The following ASIP variants were observed in gnomAD, a reference collection of about 807,000 sequenced individuals.
ASIP encodes the protein agouti-signaling protein.
Under a neutral mutation model 10.3 loss-of-function variants are expected in ASIP, and 11 were observed. That is an observed-to-expected ratio of 1.07 (90% CI 0.68 to 1.78). The LOEUF is 1.78. Ranked by LOEUF, ASIP falls within the 40% of genes most tolerant of loss-of-function variation. The probability of loss-of-function intolerance (pLI) is 0.00; values close to 1 mark genes in which losing one functional copy is unlikely to be tolerated. For missense variants in ASIP, 180 were observed against 169.2 expected (o/e 1.06, Z -0.35); for synonymous variants, 70 against 70.8 (o/e 0.99, Z 0.06).
At chr20:34,188,926 C>A in the ASIP span, among the ~76,000 whole-genome samples, 1 of 152,080 alleles carries the variant, frequency 6.6e-6, no homozygotes, top group East Asian at 1.9e-4. Flanking sequence ...TAATAAGAAC[C>A]ATACTTCTCC....
intron 1 of ASIP, among the ~76,000 whole-genome samples, chr20:34,196,986 TC>T (rs2034861904): frequency 6.7e-6 from 1 of 148,460 alleles, no homozygotes; most frequent in Admixed American, 6.7e-5. Flanking sequence ...ACTTAAACAT[TC>T]TTTTTTTTTT....
At chr20:34,213,492 T>G in intron 1 of ASIP, 1 of 1,401,838 alleles carries the variant, frequency 7.1e-7, no homozygotes, top group Non-Finnish European at 9.7e-7. Flanking sequence ...TGAAAAAGTC[T>G]GTCTCTAAAG....
intron 1 of ASIP, chr20:34,214,299 C>A: frequency 7.3e-7 from 1 of 1,369,400 alleles, no homozygotes; most frequent in East Asian, 2.3e-5. Flanking sequence ...CATTAGTACA[C>A]ATGGAACGTG....
chr20:34,214,970 C>G (rs1463784476), intron 1 of ASIP: 9 of 1,393,612 alleles, frequency 6.5e-6, no homozygotes, highest in Non-Finnish European at 9.2e-6. Flanking sequence ...CATGACTGTC[C>G]CATTCCGTTT....
intron 1 of ASIP, chr20:34,214,993 A>T: frequency 7.0e-7 from 1 of 1,418,590 alleles, no homozygotes; most frequent in Non-Finnish European, 1.0e-6. Flanking sequence ...CGGCTTAGAA[A>T]ATCTGGCCAA....
chr20:34,206,804 TCTC>T (rs1601571444), intron 1 of ASIP, among the ~76,000 whole-genome samples: 4 of 152,122 alleles, frequency 2.6e-5, no homozygotes, highest in Admixed American at 2.0e-4. Flanking sequence ...GTCTCAAACT[TCTC>T]CTGACCTCGT....
intron 1 of ASIP, among the ~76,000 whole-genome samples, chr20:34,236,395 T>C (rs576056028): frequency 6.6e-6 from 1 of 152,086 alleles, no homozygotes; most frequent in East Asian, 1.9e-4. Context: ...CACAAAAAAA[T>C]TAGCCAGGCA....
At chr20:34,234,336 C>T (rs889936821) in intron 1 of ASIP, among the ~76,000 whole-genome samples, 5 of 152,142 alleles carry the variant, frequency 3.3e-5, no homozygotes, top group Non-Finnish European at 5.9e-5. Context: ...AAAAATATAG[C>T]ATAACTAGTC....
intron 1 of ASIP, among the ~76,000 whole-genome samples, chr20:34,208,459 A>T (rs1291866788): frequency 6.6e-6 from 1 of 151,920 alleles, no homozygotes; most frequent in Non-Finnish European, 1.5e-5. Flanking sequence ...GGCCCAATTA[A>T]TCCTTCTGCC....
intron 1 of ASIP, among the ~76,000 whole-genome samples, chr20:34,195,842 A>AATT (rs2034851930): frequency 6.6e-6 from 1 of 152,016 alleles, no homozygotes; most frequent in Non-Finnish European, 1.5e-5. Context: ...AGTGAGGAAC[A>AATT]ATTACTTTTA....
chr20:34,215,882 T>A lies in ASIP; in HGVS notation c.-11+21122T>A. On this transcript the variant is annotated intron_variant, in intron 1 of 3. Coordinates refer to the ASIP transcript ENST00000568305. ...ATTTGGATTTAGCCCTAATAGAGCCTGTTTATCCATCCTTGCTGCTATACT... is the reference window on the plus strand; with the variant it reads ...ATTTGGATTTAGCCCTAATAGAGCCAGTTTATCCATCCTTGCTGCTATACT... The A allele has an allele frequency of 5.0e-6, 5 of 1,006,192 alleles. No homozygotes were observed. The East Asian group carries it at 9.5e-5, about 19-fold the overall frequency. The allele number at this position is 1,006,192 out of a possible 1,614,324, so 62.3% of individuals were successfully genotyped here.
chr20:34,194,031 A>G (rs960280605), upstream of ASIP, among the ~76,000 whole-genome samples: 1 of 152,142 alleles, frequency 6.6e-6, no homozygotes, highest in Non-Finnish European at 1.5e-5. Context: ...AGATATCCCC[A>G]AGCTGCAGCC....
chr20:34,214,171 C>T, intron 1 of ASIP: 1 of 1,215,164 alleles, frequency 8.2e-7, no homozygotes, highest in Non-Finnish European at 1.2e-6. Context: ...TTCAAAATAT[C>T]CTCAATGAAA....
At chr20:34,257,066 TTCTC>T (rs755289503) in intron 1 of ASIP, among the ~76,000 whole-genome samples, 2,390 of 93,504 alleles carry the variant, frequency 0.026, 17 homozygotes, top group South Asian at 0.045. Flanking sequence ...CTCTCTTTCT[TTCTC>T]TTTTTTTTTT....
At chr20:34,223,233 G>C (rs1318071859) in intron 1 of ASIP, among the ~76,000 whole-genome samples, 1 of 151,496 alleles carries the variant, frequency 6.6e-6, no homozygotes, top group African/African-American at 2.4e-5. Flanking sequence ...GAGCGTCTCT[G>C]CCCGGCCGCC....
rs1285997796 is a variant in ASIP at position 34,235,845 on chromosome 20, G to A, written c.-10-24520G>A. Among the ~76,000 whole-genome samples, 5 of 36,616 alleles carry A rather than the reference G, an allele frequency of 1.4e-4. No homozygotes were observed. In the African/African-American group the frequency reaches 2.0e-3, roughly 15 times the overall value. 24.0% of individuals were successfully genotyped at this position (36,616 alleles called of 152,430 possible). On this transcript the variant is annotated intron_variant, in intron 1 of 3. Coordinates refer to the ASIP transcript ENST00000568305. Reference sequence around the variant, plus strand: ...AGAAAGAAAGAAAGAAAGAAAGAAGGAAGGAAGGAAGGAAGGAAGGAAAGG... The same window carrying A: ...AGAAAGAAAGAAAGAAAGAAAGAAGAAAGGAAGGAAGGAAGGAAGGAAAGG...
At chr20:34,232,139 T>A (rs2035125746) in intron 1 of ASIP, among the ~76,000 whole-genome samples, 1 of 152,228 alleles carries the variant, frequency 6.6e-6, no homozygotes. Flanking sequence ...GCACTGAGTT[T>A]GGGGAACCCA....
intron 1 of ASIP, among the ~76,000 whole-genome samples, chr20:34,204,294 C>G (rs951898943): frequency 6.6e-6 from 1 of 150,380 alleles, no homozygotes; most frequent in Non-Finnish European, 1.5e-5. Flanking sequence ...AATCTTGGCT[C>G]GCCGCAACCT....
intron 1 of ASIP, among the ~76,000 whole-genome samples, chr20:34,223,638 G>A (rs2035071179): frequency 6.8e-6 from 1 of 146,812 alleles, no homozygotes; most frequent in African/African-American, 2.6e-5. Flanking sequence ...CGTCCGGGAG[G>A]TGAGGGGCGC....
Sources: gnomAD v4.1 joint callset for allele counts (sites outside exome capture counted in the v4.1 genomes callset) on GRCh38, gnomAD v4.1.1 for gene constraint, MANE v1.5 for transcripts, NCBI Gene and HGNC (gene_info 2026-07-23, HGNC 2026-07-21) for gene names.